The following DPYD variants were observed in gnomAD, a reference collection of about 807,000 sequenced individuals.
The protein encoded by DPYD is dihydropyrimidine dehydrogenase [NADP(+)].
DPYD carries 109 observed loss-of-function variants against 116.2 expected under a neutral mutation model. The ratio of observed to expected loss-of-function variants is 0.94; its 90% confidence interval spans 0.80 to 1.10. The LOEUF is 1.10. Among genes scored for constraint, DPYD ranks in the 50% least tolerant of loss-of-function variants. The pLI, the probability that DPYD is intolerant of heterozygous loss-of-function variation, is 0.00. For synonymous variants in DPYD, 440 were observed against 432.0 expected (o/e 1.02, Z -0.23); for missense variants, 1,302 against 1,254.5 (o/e 1.04, Z -0.57).
chr1:97,546,471 TGATA>T, intron 12 of DPYD: 1 of 1,604,104 alleles, frequency 6.2e-7, no homozygotes, highest in Non-Finnish European at 8.5e-7. Flanking sequence ...ACAGAGACTC[TGATA>T]GAGAGCAAGA....
At chr1:97,283,098 T>C (rs1665432507) in intron 18 of DPYD, among the ~76,000 whole-genome samples, 1 of 152,160 alleles carries the variant, frequency 6.6e-6, no homozygotes, top group South Asian at 2.1e-4. Flanking sequence ...TCTTTTTTAA[T>C]AGTTTAATTT....
At chr1:97,512,394 T>C (rs1238522907) in intron 13 of DPYD, among the ~76,000 whole-genome samples, 1 of 151,898 alleles carries the variant, frequency 6.6e-6, no homozygotes, top group African/African-American at 2.4e-5. Context: ...AGTTAATCTA[T>C]GTATAGAAAG....
intron 18 of DPYD, among the ~76,000 whole-genome samples, chr1:97,258,300 C>T (rs1663644199): frequency 6.6e-6 from 1 of 152,182 alleles, no homozygotes. Context: ...TTTGTACCCC[C>T]TGTCCCAGGG....
chr1:97,663,359 C>T (rs1659375407), intron 8 of DPYD, among the ~76,000 whole-genome samples: 1 of 152,128 alleles, frequency 6.6e-6, no homozygotes, highest in Non-Finnish European at 1.5e-5. Context: ...GAAAACATCC[C>T]GACTTGTACC....
intron 16 of DPYD, among the ~76,000 whole-genome samples, chr1:97,367,596 A>G (rs1570604148): frequency 6.6e-6 from 1 of 152,174 alleles, no homozygotes; most frequent in East Asian, 1.9e-4. Flanking sequence ...GGCAAGATAT[A>G]ACAGATGATA....
intron 3 of DPYD, among the ~76,000 whole-genome samples, chr1:97,742,625 T>G (rs146746337): frequency 3.3e-4 from 50 of 152,254 alleles, no homozygotes; most frequent in African/African-American, 1.0e-3. Context: ...CAGCATACAT[T>G]GCAAACAATA....
chr1:97,277,527 G>A (rs1248111719), intron 18 of DPYD, among the ~76,000 whole-genome samples: 1 of 152,082 alleles, frequency 6.6e-6, no homozygotes, highest in East Asian at 1.9e-4. Context: ...ACTACTGTTT[G>A]TTCACATGCT....
At chr1:97,758,537 T>G (rs1557938782) in intron 3 of DPYD, among the ~76,000 whole-genome samples, 1 of 152,168 alleles carries the variant, frequency 6.6e-6, no homozygotes. Flanking sequence ...ATAACTTGAA[T>G]GAAATCCAAT....
intron 3 of DPYD, among the ~76,000 whole-genome samples, chr1:97,774,074 C>T (rs1485336648): frequency 2.6e-5 from 4 of 152,188 alleles, no homozygotes; most frequent in African/African-American, 7.2e-5. Flanking sequence ...GTGGGGTCCA[C>T]ATTCCCCACT....
At chr1:97,384,875 G>C (rs1455075229) in intron 14 of DPYD, among the ~76,000 whole-genome samples, 1 of 152,124 alleles carries the variant, frequency 6.6e-6, no homozygotes. Context: ...TCCTTAGAGA[G>C]AGGAACAAAG....
intron 8 of DPYD, among the ~76,000 whole-genome samples, chr1:97,640,507 C>T (rs1657826557): frequency 1.3e-5 from 2 of 152,048 alleles, no homozygotes; most frequent in Admixed American, 6.6e-5. Flanking sequence ...TGGGGTTTCA[C>T]CATGTTGGTC....
intron 4 of DPYD, among the ~76,000 whole-genome samples, chr1:97,733,672 T>C (rs1031341189): frequency 6.6e-6 from 1 of 152,070 alleles, no homozygotes; most frequent in Non-Finnish European, 1.5e-5. Context: ...TATATTTGTA[T>C]ATGTGTCCCT....
chr1:97,176,248 C>T (rs1024796892), intron 20 of DPYD, among the ~76,000 whole-genome samples: 18 of 152,324 alleles, frequency 1.2e-4, no homozygotes, highest in African/African-American at 4.1e-4. Context: ...CAAGCTGATG[C>T]CTGCCATCAT....
At chr1:97,735,066 T>C (rs1032926662) in intron 4 of DPYD, among the ~76,000 whole-genome samples, 1 of 152,062 alleles carries the variant, frequency 6.6e-6, no homozygotes, top group Non-Finnish European at 1.5e-5. Context: ...TCTTGGTGAC[T>C]CGAAAAAAAA....
At chr1:97,820,435 A>G (rs1668862687) in intron 3 of DPYD, among the ~76,000 whole-genome samples, 1 of 152,188 alleles carries the variant, frequency 6.6e-6, no homozygotes, top group Non-Finnish European at 1.5e-5. Context: ...AGTTGAAGGT[A>G]AAGAAACAAT....
intron 2 of DPYD, among the ~76,000 whole-genome samples, chr1:97,835,403 GAT>G (rs1462784799): frequency 6.6e-6 from 1 of 152,012 alleles, no homozygotes; most frequent in Non-Finnish European, 1.5e-5. Flanking sequence ...ATTTTTAAAA[GAT>G]AGAATGAATC....
At chr1:97,328,039 G>A (rs1479351341) in intron 16 of DPYD, among the ~76,000 whole-genome samples, 2 of 151,946 alleles carry the variant, frequency 1.3e-5, no homozygotes, top group East Asian at 3.9e-4. Context: ...ACTGATGAAG[G>A]AGATATAAGT....
intron 8 of DPYD, among the ~76,000 whole-genome samples, chr1:97,669,353 C>T (rs971719109): frequency 6.6e-6 from 1 of 151,910 alleles, no homozygotes; most frequent in African/African-American, 2.4e-5. Flanking sequence ...TTGTTTTTCC[C>T]ATAAATTCCT....
chr1:97,561,248 C>T (rs1165823257), intron 11 of DPYD, among the ~76,000 whole-genome samples: 1 of 152,148 alleles, frequency 6.6e-6, no homozygotes, highest in Non-Finnish European at 1.5e-5. Context: ...AGAAAGCATC[C>T]AGCGTCTGAC....
Sources: allele counts gnomAD v4.1 joint callset (sites outside exome capture counted in the v4.1 genomes callset), GRCh38; gene constraint gnomAD v4.1.1; transcripts MANE v1.5; gene names NCBI Gene and HGNC (gene_info 2026-07-23, HGNC 2026-07-21).